Variants in ARHGEF18 observed in about 807,000 individuals in gnomAD.
ARHGEF18 encodes the protein Rho/Rac guanine nucleotide exchange factor 18, also known as rho guanine nucleotide exchange factor 18.
A neutral mutation model predicts 155.7 loss-of-function variants in ARHGEF18; 93 were observed. The ratio of observed to expected loss-of-function variants is 0.60; its 90% CI spans 0.50 to 0.71. ARHGEF18 has a LOEUF of 0.71. ARHGEF18 is among the 30% of genes least tolerant of loss of function. ARHGEF18 has a pLI of 0.00. For missense variants in ARHGEF18, 1,593 were observed against 1,816.1 expected (o/e 0.88, Z 2.23); for synonymous variants, 742 against 753.1 (o/e 0.99, Z 0.24).
At chr19:7,421,997 C>T (rs1329209583) in intron 10 of ARHGEF18, among the ~76,000 whole-genome samples, 5 of 152,186 alleles carry the variant, frequency 3.3e-5, no homozygotes, top group East Asian at 1.9e-4. Flanking sequence ...CATCCGTGCC[C>T]GTGTTTACCG....
At position 7,395,555 on chromosome 19, in the gene ARHGEF18, T is replaced by C. The variant is rs12327709; in HGVS notation, c.967+12352T>C. On this transcript the variant is annotated intron_variant, in intron 10 of 28. Coordinates refer to ENST00000668164, the MANE Select transcript of ARHGEF18 (RefSeq NM_001367823.1). The surrounding 1 kb of genome is among the most constrained non-coding windows in gnomAD (Gnocchi z 5.0). ...CCAGGAGAGGAGAGGAGGGGTCACT[T>C]GGGCCCCAGCCTCTGCTCCTCGTTC... Among the ~76,000 whole-genome samples, 18,078 of 151,982 alleles carry C rather than the reference T, an allele frequency of 0.12. 2,083 individuals are homozygous for C. The highest frequency in any genetic ancestry group is 0.3 in the African/African-American group (12,545 of 41,408).
intron 15 of ARHGEF18, among the ~76,000 whole-genome samples, chr19:7,449,827 G>A (rs1975246369): frequency 6.6e-6 from 1 of 152,030 alleles, no homozygotes; most frequent in African/African-American, 2.4e-5. Context: ...ACAGGAGTGT[G>A]CCACCATGCC....
intron 19 of ARHGEF18, 110 bp downstream of exon 19, chr19:7,458,800 G>A: frequency 7.9e-7 from 1 of 1,268,734 alleles, no homozygotes. Flanking sequence ...CCTCATCCCA[G>A]CTTGGGACCC....
intron 15 of ARHGEF18, among the ~76,000 whole-genome samples, chr19:7,447,569 T>C (rs576909034): frequency 2.6e-5 from 4 of 151,968 alleles, no homozygotes; most frequent in African/African-American, 9.7e-5. Flanking sequence ...TTCCACAGAA[T>C]TGTAGAGTCT....
At position 7,376,671 on chromosome 19, in the gene ARHGEF18, G is replaced by C; in HGVS notation, c.455G>C (p.Arg152Thr). The C allele has an allele frequency of 8.1e-7, 1 of 1,234,442 alleles. No homozygotes were observed. Among genetic ancestry groups the C allele is most frequent in the Non-Finnish European group, 1.0e-6 (1 of 988,238 alleles). 76.5% of individuals were successfully genotyped at this position (1,234,442 alleles called of 1,614,324 possible). A position where few individuals can be genotyped will look rare whatever the true frequency, so the allele number is the denominator to read the frequency against. The change falls in exon 5 of 29, where the codon AGG becomes ACG. Residue 152 changes from arginine (R) to threonine (T), a missense_variant. Physicochemically the swap from Arg to Thr is moderately conservative, Grantham distance 71 (BLOSUM62 -1). Transcript: ENST00000668164. ...KECDSPKKRG[R>T]SRSVPVSFYE... The stretch of plus-strand genomic sequence containing the variant: ...TGTGACAGCCCCAAGAAAAGAGGGA[G>C]GTCAAGGTCCGTTCCTGTGTCCTTC...
At chr19:7,472,546 A>G (rs771378369), downstream of ARHGEF18, 6 of 167,320 alleles carry the variant, frequency 3.6e-5, no homozygotes, top group Non-Finnish European at 5.3e-5. Flanking sequence ...ACGTTGCTGC[A>G]GGAGTAGCAG....
chr19:7,449,091 A>G (rs777823974), intron 15 of ARHGEF18, among the ~76,000 whole-genome samples: 1 of 152,104 alleles, frequency 6.6e-6, no homozygotes, highest in Non-Finnish European at 1.5e-5. Flanking sequence ...GGGGATTCCA[A>G]TGAAACCTCC....
chr19:7,451,100 CTG>C (rs777006353), intron 15 of ARHGEF18, 47 bp from the exon 16 acceptor site: 1 of 1,393,452 alleles, frequency 7.2e-7, no homozygotes, highest in South Asian at 1.2e-5. Flanking sequence ...CAGGATCTTG[CTG>C]TCCGTTTCTG....
chr19:7,477,204 AG>A, downstream of ARHGEF18: 4 of 1,490,518 alleles, frequency 2.7e-6, no homozygotes, highest in Admixed American at 2.6e-5. Context: ...CGGCAGTGTC[AG>A]GGGGTAGTGG....
chr19:7,438,070 CT>C (rs74196199), intron 10 of ARHGEF18, among the ~76,000 whole-genome samples: 34,335 of 107,124 alleles, frequency 0.32, 6,497 homozygotes, highest in East Asian at 0.5. Context: ...CTCTTCTCCC[CT>C]CCCCTCCCCT....
Position 7,458,565 on chromosome 19 carries a change from C to T in ARHGEF18, c.2235C>T (p.Ala745=). 2 of 1,614,052 alleles carry T rather than the reference C, an allele frequency of 1.2e-6. No homozygotes were observed. Among genetic ancestry groups the T allele is most frequent in the Non-Finnish European group, 1.7e-6 (2 of 1,180,010 alleles). Residue 745 remains alanine (A), a synonymous_variant, in exon 19 of 29, where the codon GCC becomes GCT. Coordinates refer to ENST00000668164, the MANE Select transcript of ARHGEF18 (RefSeq NM_001367823.1). ...SLQKLIVREV[A]NEEKAMFLIS... ...AAAAGCTCATCGTGAGGGAAGTGGC[C>T]AACGAGGAGAAAGCGATGTTTCTGA...
At chr19:7,456,235 A>T (rs965907710) in intron 17 of ARHGEF18, 92 bp from the exon 18 acceptor site, 2 of 1,131,944 alleles carry the variant, frequency 1.8e-6, no homozygotes, top group Admixed American at 3.4e-5. Context: ...TGCTGCTTAC[A>T]CCTTCCTGGG....
intron 1 of ARHGEF18, among the ~76,000 whole-genome samples, chr19:7,356,971 C>T (rs1169631838): frequency 6.6e-6 from 1 of 152,042 alleles, no homozygotes; most frequent in Non-Finnish European, 1.5e-5. Context: ...GCCAGGGGAC[C>T]CAAGGGCTGG....
At chr19:7,352,791 C>CCAAA in intron 1 of ARHGEF18, among the ~76,000 whole-genome samples, 2 of 145,050 alleles carry the variant, frequency 1.4e-5, no homozygotes, top group Middle Eastern at 3.8e-3. Flanking sequence ...CCTCGGCCTC[C>CCAAA]CAAAGTGCTG....
intron 2 of ARHGEF18, among the ~76,000 whole-genome samples, chr19:7,363,928 TAAA>T (rs922933689): frequency 5.6e-5 from 8 of 144,114 alleles, no homozygotes; most frequent in Non-Finnish European, 1.2e-4. Flanking sequence ...GATGGATAAA[TAAA>T]AGAATGAAGG....
chr19:7,380,610 G>A lies in ARHGEF18; in HGVS notation c.645-307G>A, dbSNP rs192411366. 4.6e-3 allele frequency among the ~76,000 whole-genome samples: 695 copies of A among 151,938 alleles called. 4 individuals carry two copies. Among genetic ancestry groups the A allele is most frequent in the Middle Eastern group, 0.02 (6 of 294 alleles). ...GAGGCGGGAGGATTGCTCAAGCCCC[G>A]GAGGTCGAGGCTGCAGTGAGCTGTG... is the stretch of plus-strand genomic sequence containing the variant. On this transcript the variant is annotated intron_variant, in intron 7 of 28. Transcript: ENST00000668164.
In ARHGEF18 at chr19:7,459,932, G is replaced by A; in HGVS notation, c.2390G>A (p.Ser797Asn). The A allele has an allele frequency of 1.9e-6, 3 of 1,587,466 alleles. No homozygotes were observed. Among genetic ancestry groups the A allele is most frequent in the East Asian group, 4.6e-5 (2 of 43,546 alleles). The change falls in exon 20 of 29, where the codon AGC becomes AAC. Residue 797 changes from serine to asparagine, a missense_variant. Transcript: ENST00000668164. ...CCTGACGAGGAGGAGGGGCCCTTCA[G>A]CCTGCCCGAAGAGGAAAGGAAGGTG... is the stretch of plus-strand genomic sequence containing the variant. Reference protein sequence around the residue: ...SCPDEEEGPFSLPEEERKVVE... With the variant: ...SCPDEEEGPFNLPEEERKVVE...
intron 1 of ARHGEF18, among the ~76,000 whole-genome samples, chr19:7,357,140 G>A (rs375539319): frequency 6.6e-6 from 1 of 152,216 alleles, no homozygotes; most frequent in Non-Finnish European, 1.5e-5. Flanking sequence ...TGGAGGAACC[G>A]GGATTTGAAG....
chr19:7,479,668 C>T, the ARHGEF18 span, among the ~76,000 whole-genome samples: 1 of 152,214 alleles, frequency 6.6e-6, no homozygotes, highest in Non-Finnish European at 1.5e-5. Flanking sequence ...AACCACATGC[C>T]CGAAACAAGA....
Sources: allele counts gnomAD v4.1 joint callset (sites outside exome capture counted in the v4.1 genomes callset), GRCh38; gene constraint gnomAD v4.1.1; non-coding constraint Gnocchi (gnomAD v3.1); transcripts MANE v1.5; gene names NCBI Gene and HGNC (gene_info 2026-07-23, HGNC 2026-07-21).